Variants in TBCB observed in about 807,000 individuals in gnomAD.
The protein encoded by TBCB is tubulin-folding cofactor B.
Under a neutral mutation model 29.2 loss-of-function variants are expected in TBCB, and 18 were observed. That is an observed-to-expected ratio of 0.62 (90% CI 0.43 to 0.91). TBCB has a LOEUF of 0.91. Ranked by LOEUF, TBCB falls within the 40% of genes least tolerant of loss-of-function variation. TBCB has a pLI of 0.00. For missense variants in TBCB, 336 were observed against 337.6 expected, an observed-to-expected ratio of 1.00 and a Z score of 0.04; for synonymous variants, 172 against 137.8, an observed-to-expected ratio of 1.25 and a Z score of -1.74.
At position 36,115,912 on chromosome 19, in the gene TBCB, G is replaced by A. The variant is rs1239584827; in HGVS notation, c.115-129G>A. On this transcript the variant is annotated intron_variant, in intron 1 of 5. Coordinates refer to ENST00000221855, the MANE Select transcript of TBCB (RefSeq NM_001281.3). ...CAGAGGGCGGGGGCAAGAGGCGAGG[G>A]GCTGGATTGCGGCCCCGTGCGTCCT... 2.9e-6 allele frequency: 4 copies of A among 1,385,592 alleles called. No individual in the cohort carries two copies. The South Asian group carries it at 4.0e-5, about 14-fold the overall frequency. The allele number at this position is 1,385,592 out of a possible 1,614,324, so 85.8% of individuals were successfully genotyped here. A position where few individuals can be genotyped will look rare whatever the true frequency, so the allele number is the denominator to read the frequency against.
chr19:36,124,531 C>T (rs1318019420), intron 4 of TBCB, among the ~76,000 whole-genome samples: 4 of 151,754 alleles, frequency 2.6e-5, no homozygotes, highest in Admixed American at 6.6e-5. Flanking sequence ...ATCGGTATGT[C>T]GGGGTTTGGT....
At chr19:36,124,493 A>C (rs956226841) in intron 4 of TBCB, among the ~76,000 whole-genome samples, 1 of 152,082 alleles carries the variant, frequency 6.6e-6, no homozygotes, top group Non-Finnish European at 1.5e-5. Flanking sequence ...CCAAAGTGCT[A>C]GGATTACAAA....
chr19:36,124,126 T>C (rs1046864619), intron 4 of TBCB, among the ~76,000 whole-genome samples: 1 of 152,214 alleles, frequency 6.6e-6, no homozygotes, highest in African/African-American at 2.4e-5. Flanking sequence ...TGGAACATCA[T>C]CATGGTTTTG....
At chr19:36,115,227 T>C, upstream of TBCB, 1 of 535,934 alleles carries the variant, frequency 1.9e-6, no homozygotes. Flanking sequence ...AGTTTACCCT[T>C]CGCGGACTGG....
upstream of TBCB, chr19:36,115,328 T>C (rs1973926890): frequency 1.8e-6 from 1 of 566,334 alleles, no homozygotes; most frequent in Non-Finnish European, 3.1e-6. Flanking sequence ...CCGTGAACTA[T>C]GGAAGGCCCC....
rs1297780606 is a variant in TBCB, at chr19:36,125,861, C to T, written c.*79C>T. ...CTGTGTGTGCCCATGGCCCTTTTCTCCTGACCCCATTTTAATTTTATTCAT... is the reference window on the plus strand; with the variant it reads ...CTGTGTGTGCCCATGGCCCTTTTCTTCTGACCCCATTTTAATTTTATTCAT... On this transcript the variant is annotated 3_prime_UTR_variant, in exon 6 of 6. Coordinates refer to ENST00000221855, the MANE Select transcript of TBCB (RefSeq NM_001281.3). 4.0e-6 allele frequency: 4 copies of T among 1,005,488 alleles called. No individual in the cohort carries two copies. The highest frequency in any genetic ancestry group is 2.9e-5 in the Admixed American group (1 of 34,994). The allele number at this position is 1,005,488 out of a possible 1,614,324, so 62.3% of individuals were successfully genotyped here.
rs1974129389 is a variant in TBCB, at chr19:36,125,781, G to A, written c.734G>A (p.Ter245=). ...PEEDYGLDEI[*] The stretch of plus-strand genomic sequence containing the variant: ...GAGGACTACGGGTTGGACGAGATAT[G>A]ACACCTAAGGAATTCCCCTGCTTCA... The change falls in exon 6 of 6, where the codon TGA becomes TAA. Residue 245 remains the stop codon, a stop_retained_variant. Coordinates refer to ENST00000221855, the MANE Select transcript of TBCB (RefSeq NM_001281.3). 6.6e-7 allele frequency: 1 copy of A among 1,511,532 alleles called. No individual in the cohort carries two copies. Among genetic ancestry groups the A allele is most frequent in the African/African-American group, 1.4e-5 (1 of 71,752 alleles). The allele number at this position is 1,511,532 out of a possible 1,614,324, so 93.6% of individuals were successfully genotyped here. A position where few individuals can be genotyped will look rare whatever the true frequency, so the allele number is the denominator to read the frequency against.
intron 4 of TBCB, chr19:36,121,995 G>C: frequency 1.9e-6 from 1 of 538,460 alleles, no homozygotes; most frequent in East Asian, 3.4e-5. Flanking sequence ...TTCGAAGCGT[G>C]GGGCAGTGTC....
rs1224906401 is a variant in TBCB at position 36,125,812 on chromosome 19, T to C, written c.*30T>C. ...TAAGGAATTCCCCTGCTTCAGCTCC[T>C]AGCTCAGCCACTGACTGCCCCTCCT... On this transcript the variant is annotated 3_prime_UTR_variant, in exon 6 of 6. Coordinates refer to ENST00000221855, the MANE Select transcript of TBCB (RefSeq NM_001281.3). 6.8e-7 allele frequency: 1 copy of C among 1,460,770 alleles called. No individual in the cohort carries two copies. The highest frequency in any genetic ancestry group is 1.5e-5 in the South Asian group (1 of 66,598). 90.5% of individuals were successfully genotyped at this position (1,460,770 alleles called of 1,614,324 possible).
intron 2 of TBCB, 119 bp from the exon 3 acceptor site, chr19:36,120,591 A>C: frequency 5.2e-6 from 4 of 764,130 alleles, no homozygotes; most frequent in Non-Finnish European, 8.8e-6. Context: ...AGAAGGCTGC[A>C]GTACAGGCGA....
Position 36,125,779 on chromosome 19 carries a change from A to T in TBCB, c.732A>T (p.Ile244=). The change falls in exon 6 of 6, where the codon ATA becomes ATT. Residue 244 remains isoleucine (I), a synonymous_variant. Transcript: ENST00000221855. ...AGGAGGACTACGGGTTGGACGAGATATGACACCTAAGGAATTCCCCTGCTT... is the reference window on the plus strand; with the variant it reads ...AGGAGGACTACGGGTTGGACGAGATTTGACACCTAAGGAATTCCCCTGCTT... ...FPEEDYGLDE[I] The T allele has an allele frequency of 6.5e-7, 1 of 1,527,350 alleles. No individual in the cohort carries two copies. The highest frequency in any genetic ancestry group is 1.3e-5 in the South Asian group (1 of 76,268). 94.6% of individuals were successfully genotyped at this position (1,527,350 alleles called of 1,614,324 possible). A position where few individuals can be genotyped will look rare whatever the true frequency, so the allele number is the denominator to read the frequency against.
At chr19:36,118,110 C>G (rs1208852091) in intron 2 of TBCB, among the ~76,000 whole-genome samples, 1 of 152,134 alleles carries the variant, frequency 6.6e-6, no homozygotes, top group Non-Finnish European at 1.5e-5. Flanking sequence ...GCATTTTGGC[C>G]CCAGTCTACA....
At chr19:36,125,377 A>C in intron 4 of TBCB, 74 bp from the exon 5 acceptor site, 1 of 1,527,922 alleles carries the variant, frequency 6.5e-7, no homozygotes, top group South Asian at 1.1e-5. Flanking sequence ...GCATGGATCC[A>C]GGGTGATCCT....
chr19:36,115,724 G>A lies in TBCB; in HGVS notation c.114+50G>A, dbSNP rs200345741. 5.6e-6 allele frequency: 8 copies of A among 1,437,380 alleles called. No homozygotes were observed. In the African/African-American group the frequency reaches 8.5e-5, roughly 15 times the overall value. The allele number at this position is 1,437,380 out of a possible 1,614,324, so 89.0% of individuals were successfully genotyped here. A position where few individuals can be genotyped will look rare whatever the true frequency, so the allele number is the denominator to read the frequency against. On this transcript the variant is annotated intron_variant, in intron 1 of 5. Coordinates refer to ENST00000221855, the MANE Select transcript of TBCB (RefSeq NM_001281.3). ...GAGGGGCGGGGCGAAGAAATTGGGG[G>A]GTTCCCGGAAGGGGGAGGCTGGGAG...
In TBCB at chr19:36,115,545, C is replaced by G. The variant is rs11545600; in HGVS notation, c.-16C>G. 3 of 1,587,848 alleles carry G rather than the reference C, an allele frequency of 1.9e-6. No individual in the cohort carries two copies. In the Admixed American group the frequency reaches 5.2e-5, roughly 28 times the overall value. ...GCGGCTGGACCGCGCTGCAGGCATC[C>G]GCAGGGCGCGGCAAGATGGAGGTGA... On this transcript the variant is annotated 5_prime_UTR_variant, in exon 1 of 6. Transcript: ENST00000221855.
intron 2 of TBCB, among the ~76,000 whole-genome samples, chr19:36,117,640 C>T (rs1049565929): frequency 6.6e-6 from 1 of 152,082 alleles, no homozygotes; most frequent in African/African-American, 2.4e-5. Flanking sequence ...GCATGAGCCA[C>T]CACGCCCAGC....
chr19:36,120,659 A>G, intron 2 of TBCB, 51 bp from the exon 3 acceptor site: 1 of 1,560,060 alleles, frequency 6.4e-7, no homozygotes, highest in Non-Finnish European at 8.8e-7. Flanking sequence ...CCCAGCACCC[A>G]GGCCTCCCTG....
rs1491378338 is a variant in TBCB at position 36,123,252 on chromosome 19, TTC to T, written c.547+1536_547+1537del. On this transcript the variant is annotated intron_variant, in intron 4 of 5. Transcript: ENST00000221855. ...ATGAATAATGCTGCTATGAACCTTC[TTC>T]TTTTTTTTTTTTTTTTTTTTCTAAT... is the stretch of plus-strand genomic sequence containing the variant. 2.5e-3 allele frequency among the ~76,000 whole-genome samples: 334 copies of T among 133,832 alleles called. 1 individual carries two copies. Among genetic ancestry groups the T allele is most frequent in the Non-Finnish European group, 4.2e-3 (253 of 60,906 alleles). The allele number at this position is 133,832 out of a possible 152,430, so 87.8% of individuals were successfully genotyped here. A position where few individuals can be genotyped will look rare whatever the true frequency, so the allele number is the denominator to read the frequency against.
At chr19:36,117,634 G>A (rs551440729) in intron 2 of TBCB, among the ~76,000 whole-genome samples, 15 of 152,210 alleles carry the variant, frequency 9.9e-5, no homozygotes, top group Non-Finnish European at 1.6e-4. Flanking sequence ...TTACAGGCAT[G>A]AGCCACCACG....
Sources: gnomAD v4.1 joint callset for allele counts (sites outside exome capture counted in the v4.1 genomes callset) on GRCh38, gnomAD v4.1.1 for gene constraint, MANE v1.5 for transcripts, NCBI Gene and HGNC (gene_info 2026-07-23, HGNC 2026-07-21) for gene names.